Variants in LRBA observed in about 807,000 individuals in gnomAD.
LRBA encodes the protein lipopolysaccharide-responsive and beige-like anchor protein.
In LRBA, 176 loss-of-function variants were observed where a neutral mutation model predicts 330.0. The ratio of observed to expected loss-of-function variants is 0.53; its 90% CI spans 0.47 to 0.60. The LOEUF is 0.60. Ranked by LOEUF, LRBA falls within the 20% of genes least tolerant of loss-of-function variation. LRBA has a pLI of 0.00. For synonymous variants in LRBA, 1,230 were observed against 1,193.0 expected (o/e 1.03, Z -0.64); for missense variants, 3,259 against 3,444.8 (o/e 0.95, Z 1.35).
chr4:150,998,169 T>C (rs1742899166), intron 2 of LRBA, among the ~76,000 whole-genome samples: 2 of 151,622 alleles, frequency 1.3e-5, no homozygotes, highest in East Asian at 1.9e-4. Flanking sequence ...CTGACCAAGA[T>C]GGAGAAACCC....
chr4:150,845,299 T>C (rs1451900837), intron 26 of LRBA, among the ~76,000 whole-genome samples: 2 of 152,152 alleles, frequency 1.3e-5, no homozygotes, highest in Non-Finnish European at 2.9e-5. Context: ...TTGAGACTAA[T>C]AGAGGATATA....
rs1450356950 is a variant in LRBA at position 150,270,684 on chromosome 4, A to G, written c.8469-4872T>C. 4.6e-5 allele frequency among the ~76,000 whole-genome samples: 7 copies of G among 152,224 alleles called. No homozygotes were observed. In the East Asian group the frequency reaches 1.4e-3, roughly 29 times the overall value. On this transcript the variant is annotated intron_variant, in intron 56 of 56. Transcript: ENST00000651943. ...ATGGAAAATATTATATGTTGCCACA[A>G]TTTTTTTTAAAAGGAACAAAAATGA... is the stretch of plus-strand genomic sequence containing the variant.
chr4:150,850,907 T>C lies in LRBA; in HGVS notation c.3826-5A>G, dbSNP rs114629781. On this transcript the variant is annotated splice_polypyrimidine_tract_variant and splice_region_variant and intron_variant, in intron 23 of 56. Transcript: ENST00000651943. ...CTGCTCATGTTGCCTTGATATCTAA[T>C]ACAGAAATTTAAAAAGTAATAAAAT... is the stretch of plus-strand genomic sequence containing the variant. 7.8e-4 allele frequency: 1,240 copies of C among 1,592,874 alleles called. 5 individuals carry two copies. In the African/African-American group the frequency reaches 0.015, roughly 20 times the overall value.
intron 53 of LRBA, among the ~76,000 whole-genome samples, chr4:150,297,651 C>T (rs1729136530): frequency 6.6e-6 from 1 of 152,120 alleles, no homozygotes; most frequent in Non-Finnish European, 1.5e-5. Flanking sequence ...TTTCTTGTTT[C>T]AAGCATTACT....
intron 47 of LRBA, among the ~76,000 whole-genome samples, chr4:150,382,226 A>G (rs938494092): frequency 6.6e-6 from 1 of 152,204 alleles, no homozygotes; most frequent in Non-Finnish European, 1.5e-5. Context: ...TACAAAATGA[A>G]TATTTTAGTA....
At chr4:150,506,279 G>C (rs1262260068) in intron 40 of LRBA, among the ~76,000 whole-genome samples, 1 of 152,134 alleles carries the variant, frequency 6.6e-6, no homozygotes, top group Non-Finnish European at 1.5e-5. Flanking sequence ...AACCAAAAAA[G>C]AGAATTTTAG....
At chr4:150,805,605 A>AAAAGAAAGGAAAG (rs1560842972) in intron 33 of LRBA, among the ~76,000 whole-genome samples, 1 of 64,042 alleles carries the variant, frequency 1.6e-5, no homozygotes, top group East Asian at 4.5e-4. Context: ...GGAAAGGAAA[A>AAAAGAAAGGAAAG]GAAAGGAAAG....
intron 31 of LRBA, among the ~76,000 whole-genome samples, chr4:150,814,643 G>A (rs907595654): frequency 4.0e-5 from 6 of 150,328 alleles, no homozygotes; most frequent in African/African-American, 1.5e-4. Context: ...TTTTAAAAAT[G>A]GGGGGGGCTA....
intron 34 of LRBA, among the ~76,000 whole-genome samples, chr4:150,769,061 C>T (rs1303506099): frequency 2.7e-5 from 4 of 150,560 alleles, no homozygotes; most frequent in Non-Finnish European, 4.4e-5. Flanking sequence ...GTCAGCTTTC[C>T]GAGTAGCTAG....
intron 2 of LRBA, among the ~76,000 whole-genome samples, chr4:150,947,225 C>T (rs1205487590): frequency 6.8e-6 from 1 of 147,040 alleles, no homozygotes; most frequent in African/African-American, 2.5e-5. Context: ...AAAGACAGTA[C>T]CAAAAAAAAA....
intron 38 of LRBA, among the ~76,000 whole-genome samples, chr4:150,593,123 G>C (rs1773096612): frequency 6.6e-6 from 1 of 151,586 alleles, no homozygotes; most frequent in Admixed American, 6.6e-5. Flanking sequence ...AAAATATATT[G>C]GCCACTGAGA....
At chr4:150,325,710 C>A in intron 49 of LRBA, 99 bp downstream of exon 49, 1 of 820,048 alleles carries the variant, frequency 1.2e-6, no homozygotes, top group Non-Finnish European at 2.1e-6. Context: ...AACAAACCCA[C>A]ATATGGTGGA....
At chr4:150,621,933 G>A (rs1046514265) in intron 37 of LRBA, among the ~76,000 whole-genome samples, 1 of 152,266 alleles carries the variant, frequency 6.6e-6, no homozygotes, top group Non-Finnish European at 1.5e-5. Flanking sequence ...TTCCCTACAT[G>A]GAAACCAAAA....
At chr4:150,433,762 T>C (rs1326413622) in intron 46 of LRBA, among the ~76,000 whole-genome samples, 1 of 152,130 alleles carries the variant, frequency 6.6e-6, no homozygotes, top group African/African-American at 2.4e-5. Flanking sequence ...ATTATATCTG[T>C]TAACTATTCT....
chr4:150,414,034 G>A (rs1390232511), intron 47 of LRBA, among the ~76,000 whole-genome samples: 2 of 152,100 alleles, frequency 1.3e-5, no homozygotes, highest in Non-Finnish European at 2.9e-5. Context: ...TGTTCCATAA[G>A]ACTGTGATAG....
intron 2 of LRBA, among the ~76,000 whole-genome samples, chr4:150,981,982 T>C (rs1031191525): frequency 2.0e-5 from 3 of 147,470 alleles, no homozygotes; most frequent in South Asian, 4.3e-4. Flanking sequence ...AAAAAAAAAG[T>C]AACCTGTTTC....
chr4:150,998,634 C>A (rs1742977159), intron 2 of LRBA, among the ~76,000 whole-genome samples: 1 of 152,128 alleles, frequency 6.6e-6, no homozygotes, highest in South Asian at 2.1e-4. Context: ...GGACTATAGG[C>A]ATGAGCAACC....
intron 40 of LRBA, among the ~76,000 whole-genome samples, chr4:150,545,069 C>T (rs529410477): frequency 1.3e-5 from 2 of 152,240 alleles, no homozygotes; most frequent in African/African-American, 2.4e-5. Flanking sequence ...AATATTAATG[C>T]TTGTCCCACA....
chr4:150,795,319 A>C (rs1427389796), intron 34 of LRBA, among the ~76,000 whole-genome samples: 1 of 152,122 alleles, frequency 6.6e-6, no homozygotes, highest in Non-Finnish European at 1.5e-5. Flanking sequence ...ATATACAACA[A>C]ATTTGGCACA....
Sources: allele counts gnomAD v4.1 joint callset (sites outside exome capture counted in the v4.1 genomes callset), GRCh38; gene constraint gnomAD v4.1.1; transcripts MANE v1.5; gene names NCBI Gene and HGNC (gene_info 2026-07-23, HGNC 2026-07-21).